The following NT5C3B variants were observed in gnomAD, a reference collection of about 807,000 sequenced individuals.
NT5C3B encodes the protein 5'-nucleotidase, cytosolic IIIB.
NT5C3B carries 28 observed loss-of-function variants against 32.5 expected under a neutral mutation model. That is an observed-to-expected ratio of 0.86 (90% confidence interval 0.64 to 1.18). NT5C3B has a LOEUF of 1.18. NT5C3B is among the 50% of genes most tolerant of loss of function. The pLI is 0.00. For synonymous variants in NT5C3B, 138 were observed against 118.0 expected, an observed-to-expected ratio of 1.17 and a Z score of -1.10; for missense variants, 317 against 322.0, an observed-to-expected ratio of 0.98 and a Z score of 0.12.
intron 6 of NT5C3B, among the ~76,000 whole-genome samples, chr17:41,830,566 T>TG: frequency 6.6e-6 from 1 of 152,212 alleles, no homozygotes; most frequent in South Asian, 2.1e-4. Flanking sequence ...GAGCTAGACT[T>TG]GGTTTCTTCT....
Position 41,835,273 on chromosome 17 carries a change from C to CT in NT5C3B, c.112-2dup, listed in dbSNP as rs1454633849. 8.1e-6 allele frequency: 13 copies of CT among 1,613,878 alleles called. No individual in the cohort carries two copies. The highest frequency in any genetic ancestry group is 5.0e-5 in the Admixed American group (3 of 60,012). On this transcript the variant is annotated splice_acceptor_variant, in intron 2 of 8. Coordinates refer to ENST00000435506, the MANE Select transcript of NT5C3B (RefSeq NM_052935.5). LOFTEE classifies it high-confidence loss of function. ...AGGTCATGTCAAAATCAGAAATCAC[C>CT]TATAAGGCAAAAGAGAGATGATGCC...
At chr17:41,832,017 T>C (rs573085232) in intron 5 of NT5C3B, among the ~76,000 whole-genome samples, 2 of 152,164 alleles carry the variant, frequency 1.3e-5, no homozygotes, top group Non-Finnish European at 2.9e-5. Context: ...GATCATGCCA[T>C]TGGACTCCAG....
At chr17:41,826,463 T>A (rs547883117) in intron 8 of NT5C3B, among the ~76,000 whole-genome samples, 16 of 151,976 alleles carry the variant, frequency 1.1e-4, no homozygotes, top group African/African-American at 3.9e-4. Context: ...CCTCAAGTGA[T>A]CCCCCTGCCC....
rs571813072 is a variant in NT5C3B, at chr17:41,827,498, G to A, written c.696C>T (p.Ile232=). 13 of 872,970 alleles carry A rather than the reference G, an allele frequency of 1.5e-5. No homozygotes were observed. The highest frequency in any genetic ancestry group is 6.8e-5 in the Admixed American group (4 of 59,186). The allele number at this position is 872,970 out of a possible 1,614,324, so 54.1% of individuals were successfully genotyped here. ...KTNVILLGDS[I]GDLTMADGVP... is the part of the protein sequence containing the mutation. ...CCCCATCGGCCATGGTGAGGTCCCCGATAGAGTCTCCCAGCAGGATGACAT... is the reference window on the plus strand; with the variant it reads ...CCCCATCGGCCATGGTGAGGTCCCCAATAGAGTCTCCCAGCAGGATGACAT... Residue 232 remains isoleucine (I), a synonymous_variant, in exon 8 of 9, where the codon ATC becomes ATT. Coordinates refer to ENST00000435506, the MANE Select transcript of NT5C3B (RefSeq NM_052935.5).
chr17:41,826,999 C>CAAAAAAAA (rs34220910), intron 8 of NT5C3B, among the ~76,000 whole-genome samples: 1 of 118,824 alleles, frequency 8.4e-6, no homozygotes. Context: ...GACTCTATCT[C>CAAAAAAAA]AAAAAAAAAA....
chr17:41,835,446 A>G (rs2144110858), intron 2 of NT5C3B, 174 bp from the exon 3 acceptor site: 1 of 656,254 alleles, frequency 1.5e-6, no homozygotes, highest in South Asian at 1.8e-5. Flanking sequence ...GATCCTAATT[A>G]GTACCCGTTA....
intron 1 of NT5C3B, 65 bp downstream of exon 1, chr17:41,836,117 G>A (rs1335027832): frequency 1.4e-5 from 18 of 1,329,052 alleles, no homozygotes; most frequent in African/African-American, 1.5e-5. Context: ...CAGCTGGGGG[G>A]CTCGAAGCGC....
chr17:41,832,735 G>T, intron 4 of NT5C3B: 1 of 280,750 alleles, frequency 3.6e-6, no homozygotes. Context: ...CGGTGTAGTG[G>T]CATGCGCCTT....
Position 41,828,897 on chromosome 17 carries a change from T to C in NT5C3B, c.460A>G (p.Ile154Val), listed in dbSNP as rs542459559. The C allele has an allele frequency of 5.6e-6, 9 of 1,614,000 alleles. No homozygotes were observed. In the Admixed American group the frequency reaches 6.7e-5, roughly 12 times the overall value. ...TLYHNNIPLF[I>V]FSAGIGDILE... The stretch of plus-strand genomic sequence containing the variant: ...ATATCACCAATGCCCGCAGAAAAGA[T>C]GAAAAGGGGAATGTTGTTATGGTAG... Residue 154 changes from isoleucine to valine, a missense_variant, in exon 7 of 9, where the codon ATC (isoleucine) becomes GTC (valine). By Grantham distance (29) the Ile-to-Val change is conservative. Transcript: ENST00000435506.
chr17:41,836,031 G>T, intron 1 of NT5C3B, 74 bp from the exon 2 acceptor site: 1 of 1,445,378 alleles, frequency 6.9e-7, no homozygotes, highest in Non-Finnish European at 9.1e-7. Context: ...GCTCGCTCGG[G>T]CGCGCGTGTG....
intron 6 of NT5C3B, among the ~76,000 whole-genome samples, chr17:41,829,831 A>G (rs1044491180): frequency 4.6e-5 from 7 of 152,114 alleles, no homozygotes; most frequent in African/African-American, 1.7e-4. Flanking sequence ...CCTCTGGGGT[A>G]CATACCTGGG....
intron 6 of NT5C3B, among the ~76,000 whole-genome samples, chr17:41,830,039 C>T (rs973268242): frequency 3.3e-5 from 5 of 152,150 alleles, no homozygotes; most frequent in Non-Finnish European, 5.9e-5. Flanking sequence ...AGGGCAGGCA[C>T]CCATGTCACT....
At chr17:41,834,407 C>CACACAT (rs2048108518) in intron 4 of NT5C3B, among the ~76,000 whole-genome samples, 1 of 150,340 alleles carries the variant, frequency 6.7e-6, no homozygotes, top group South Asian at 2.1e-4. Flanking sequence ...CACACACACA[C>CACACAT]ACACACACAC....
At position 41,825,625 on chromosome 17, in the gene NT5C3B, G is replaced by A; in HGVS notation, c.801C>T (p.Ser267=). ...CGTCCTTCTCCAGCACGATGTCATAGGAGTCCATGTAGCGCTCCCGCCGCT... is the reference window on the plus strand; with the variant it reads ...CGTCCTTCTCCAGCACGATGTCATAAGAGTCCATGTAGCGCTCCCGCCGCT... ...VEERRERYMD[S]YDIVLEKDET... The change falls in exon 9 of 9, where the codon TCC becomes TCT. Residue 267 remains serine, a synonymous_variant. Transcript: ENST00000435506. 1 of 872,828 alleles carries A rather than the reference G, an allele frequency of 1.1e-6. No homozygotes were observed. The highest frequency in any genetic ancestry group is 2.0e-6 in the Non-Finnish European group (1 of 501,678). 54.1% of individuals were successfully genotyped at this position (872,828 alleles called of 1,614,324 possible).
chr17:41,834,692 T>C (rs2055550658), intron 4 of NT5C3B, among the ~76,000 whole-genome samples: 1 of 152,116 alleles, frequency 6.6e-6, no homozygotes, highest in African/African-American at 2.4e-5. Context: ...AAGGCTGCAG[T>C]GAACAAAGAT....
chr17:41,833,299 T>G (rs1555619298), intron 4 of NT5C3B, among the ~76,000 whole-genome samples: 1 of 152,094 alleles, frequency 6.6e-6, no homozygotes. Context: ...ACTCAGAAGT[T>G]TTGGATTCAT....
intron 8 of NT5C3B, among the ~76,000 whole-genome samples, chr17:41,826,608 T>C (rs567453963): frequency 1.3e-3 from 198 of 151,838 alleles, no homozygotes; most frequent in Non-Finnish European, 2.2e-3. Flanking sequence ...ACCCAGGAGA[T>C]GGAGGTTGCA....
At chr17:41,825,908 G>T (rs1340015937) in intron 8 of NT5C3B, among the ~76,000 whole-genome samples, 2 of 152,164 alleles carry the variant, frequency 1.3e-5, no homozygotes, top group African/African-American at 4.8e-5. Context: ...CAAAAAACCA[G>T]ATGTTGCCAC....
rs368489939 is a variant in NT5C3B, at chr17:41,825,580, G to A, written c.846C>T (p.Asn282=). The A allele has an allele frequency of 5.1e-4, 449 of 872,848 alleles. 5 individuals are homozygous for A. The East Asian group carries it at 8.7e-3, about 17-fold the overall frequency. 54.1% of individuals were successfully genotyped at this position (872,848 alleles called of 1,614,324 possible). Residue 282 remains asparagine (N), a synonymous_variant, in exon 9 of 9, where the codon AAC becomes AAT. Transcript: ENST00000435506. Reference sequence around the variant, plus strand: ...GGCACAGGATGTGCTGCAGTAGCCCGTTGACCACATCCAGAGTCTCGTCCT... The same window carrying A: ...GGCACAGGATGTGCTGCAGTAGCCCATTGACCACATCCAGAGTCTCGTCCT... ...LEKDETLDVV[N]GLLQHILCQG...
Sources: gnomAD v4.1 joint callset for allele counts (sites outside exome capture counted in the v4.1 genomes callset) on GRCh38, gnomAD v4.1.1 for gene constraint, MANE v1.5 for transcripts, NCBI Gene and HGNC (gene_info 2026-07-23, HGNC 2026-07-21) for gene names.